The following ACIN1 variants were observed in gnomAD, a reference collection of about 807,000 sequenced individuals.
ACIN1 encodes the protein apoptotic chromatin condensation inducer 1, also known as apoptotic chromatin condensation inducer in the nucleus.
Under a neutral mutation model 146.6 loss-of-function variants are expected in ACIN1, and 16 were observed. The observed-to-expected ratio is 0.11, with a 90% CI of 0.07 to 0.17. ACIN1 has a LOEUF of 0.17. ACIN1 is among the 10% of genes least tolerant of loss of function. The pLI is 1.00. For missense variants in ACIN1, 1,357 were observed against 1,609.3 expected, an observed-to-expected ratio of 0.84 and a Z score of 2.68; for synonymous variants, 569 against 582.7, an observed-to-expected ratio of 0.98 and a Z score of 0.34.
rs1188946172 is a variant in ACIN1 at position 23,067,246 on chromosome 14, AAAG to A, written c.2266-1241_2266-1239del. ...AAAAAAATAAAATAAAATATTAAAA[AAAG>A]AAGAAGAAAATAAAGAAGAAAATAA... On this transcript the variant is annotated intron_variant, in intron 9 of 18. Coordinates refer to ENST00000605057, the MANE Select transcript of ACIN1 (RefSeq NM_001386863.1). The surrounding 1 kb of genome is among the most constrained non-coding windows in gnomAD (Gnocchi z 4.6). The A allele has an allele frequency of 1.2e-5, 11 of 911,052 alleles. No individual in the cohort carries two copies. The highest frequency in any genetic ancestry group is 5.1e-5 in the South Asian group (1 of 19,694). The allele number at this position is 911,052 out of a possible 1,614,324, so 56.4% of individuals were successfully genotyped here. A position where few individuals can be genotyped will look rare whatever the true frequency, so the allele number is the denominator to read the frequency against.
Position 23,089,964 on chromosome 14 carries a change from G to T in ACIN1, c.436+18C>A. On this transcript the variant is annotated intron_variant, in intron 4 of 18. Coordinates refer to ENST00000605057, the MANE Select transcript of ACIN1 (RefSeq NM_001386863.1). ...CGCAGGATTGACAAAACAGCGCAGT[G>T]GGGAGGGAGATACGTACTGGGCGAA... 7 of 1,591,408 alleles carry T rather than the reference G, an allele frequency of 4.4e-6. No individual in the cohort carries two copies. Among genetic ancestry groups the T allele is most frequent in the Non-Finnish European group, 5.1e-6 (6 of 1,165,202 alleles).
intron 3 of ACIN1, 87 bp downstream of exon 3, chr14:23,090,435 G>C (rs1231745071): frequency 1.1e-5 from 13 of 1,197,076 alleles, no homozygotes; most frequent in Middle Eastern, 1.9e-4. Context: ...ACTTATTTCT[G>C]AAATTGTCTA....
chr14:23,090,054 C>G lies in ACIN1; in HGVS notation c.364G>C (p.Ala122Pro). 2 of 1,613,832 alleles carry G rather than the reference C, an allele frequency of 1.2e-6. No individual in the cohort carries two copies. Among genetic ancestry groups the G allele is most frequent in the Non-Finnish European group, 1.7e-6 (2 of 1,179,928 alleles). The change falls in exon 4 of 19, where the codon GCT becomes CCT. Residue 122 changes from alanine (A) to proline (P), a missense_variant. Coordinates refer to ENST00000605057, the MANE Select transcript of ACIN1 (RefSeq NM_001386863.1). ...TGAAAGTCAGGAGGCAGCAGGGAAGCCACTCCCTCAGGATGGATCATCTCG... is the reference window on the plus strand; with the variant it reads ...TGAAAGTCAGGAGGCAGCAGGGAAGGCACTCCCTCAGGATGGATCATCTCG... Reference protein sequence around the residue: ...EDEMIHPEGVASLLPPDFQSS... With the variant: ...EDEMIHPEGVPSLLPPDFQSS...
chr14:23,074,325 G>A (rs191814796), intron 8 of ACIN1, among the ~76,000 whole-genome samples: 19 of 151,928 alleles, frequency 1.3e-4, no homozygotes, highest in African/African-American at 4.3e-4. Flanking sequence ...CAACACTTTG[G>A]GAGGCTGAGA....
In ACIN1 at chr14:23,067,285, T is replaced by C. The variant is rs894840856; in HGVS notation, c.2266-1277A>G. ...TAAAGAAGAAAATAAACTAGGAATA[T>C]GACAAATGTTCCAGGTACCATCTCA... On this transcript the variant is annotated intron_variant, in intron 9 of 18. Transcript: ENST00000605057. This position sits in a 1 kb window ranked among gnomAD's most constrained non-coding sequence, Gnocchi z 4.6. 2.0e-6 allele frequency: 2 copies of C among 984,488 alleles called. No individual in the cohort carries two copies. Among genetic ancestry groups the C allele is most frequent in the Non-Finnish European group, 2.4e-6 (2 of 829,090 alleles). The allele number at this position is 984,488 out of a possible 1,614,324, so 61.0% of individuals were successfully genotyped here. A position where few individuals can be genotyped will look rare whatever the true frequency, so the allele number is the denominator to read the frequency against.
Position 23,079,885 on chromosome 14 carries a change from T to C in ACIN1, c.1450A>G (p.Ile484Val), listed in dbSNP as rs141420404. 5.0e-6 allele frequency: 8 copies of C among 1,614,084 alleles called. No homozygotes were observed. In the African/African-American group the frequency reaches 8.0e-5, roughly 16 times the overall value. Residue 484 changes from isoleucine to valine, a missense_variant, in exon 6 of 19, where the codon ATC becomes GTC. Ile to Val is a conservative substitution (Grantham distance 29). This residue lies in a region of ACIN1 where 771 missense variants were observed against 746.6 expected (regional missense o/e 1.03). Coordinates refer to ENST00000605057, the MANE Select transcript of ACIN1 (RefSeq NM_001386863.1). ...KIEELALAKG[I>V]TEECLKQPSL... The stretch of plus-strand genomic sequence containing the variant: ...GGCTGTTTCAGACATTCTTCAGTGA[T>C]TCCTTTGGCCAGTGCTAATTCCTCA...
intron 8 of ACIN1, 35 bp from the exon 9 acceptor site, chr14:23,069,652 G>GGGGGGCCGCC: frequency 1.7e-6 from 1 of 577,970 alleles, no homozygotes; most frequent in Non-Finnish European, 3.3e-6. Context: ...GGGGGGGCGG[G>GGGGGGCCGCC]CAGAAAAGAA....
chr14:23,080,220 G>A lies in ACIN1; in HGVS notation c.1115C>T (p.Pro372Leu). The change falls in exon 6 of 19, where the codon CCA becomes CTA. Residue 372 changes from proline (P) to leucine (L), a missense_variant. Around this residue, in one of 4 missense-constraint regions of ACIN1, gnomAD observed 771 missense variants for 746.6 expected, o/e 1.03. Coordinates refer to ENST00000605057, the MANE Select transcript of ACIN1 (RefSeq NM_001386863.1). ...TATTTCTTCTTCGCTATGGAGCTGT[G>A]GATGAGGTGGTGGAGAAGATGCTTC... ...TKEASSPPPHPQLHSEEEIEP... is the reference protein window; with the variant it reads ...TKEASSPPPHLQLHSEEEIEP... The A allele has an allele frequency of 6.2e-7, 1 of 1,614,210 alleles. No homozygotes were observed. The highest frequency in any genetic ancestry group is 8.5e-7 in the Non-Finnish European group (1 of 1,180,036).
chr14:23,070,700 AG>A (rs1348257275), intron 8 of ACIN1, among the ~76,000 whole-genome samples: 1 of 152,200 alleles, frequency 6.6e-6, no homozygotes, highest in Non-Finnish European at 1.5e-5. Context: ...GGCTCAGGAG[AG>A]GGGAAACCAA....
intron 2 of ACIN1, 121 bp from the exon 3 acceptor site, chr14:23,090,754 G>T: frequency 1.5e-6 from 1 of 670,802 alleles, no homozygotes. Context: ...TAACTAAAAT[G>T]TTGGAAGGCT....
chr14:23,068,305 A>G lies in ACIN1; in HGVS notation c.2265+1171T>C. Reference sequence around the variant, plus strand: ...GTCTGTAGCAAACAAGGCAACCCACAGTCCTCAAAAGGGCAAGGGCATGTG... The same window carrying G: ...GTCTGTAGCAAACAAGGCAACCCACGGTCCTCAAAAGGGCAAGGGCATGTG... On this transcript the variant is annotated intron_variant, in intron 9 of 18. Coordinates refer to ENST00000605057, the MANE Select transcript of ACIN1 (RefSeq NM_001386863.1). This position sits in a 1 kb window ranked among gnomAD's most constrained non-coding sequence, Gnocchi z 4.3. 1 of 985,956 alleles carries G rather than the reference A, an allele frequency of 1.0e-6. No individual in the cohort carries two copies. The highest frequency in any genetic ancestry group is 5.2e-4 in the Middle Eastern group (1 of 1,914). The allele number at this position is 985,956 out of a possible 1,614,324, so 61.1% of individuals were successfully genotyped here. A position where few individuals can be genotyped will look rare whatever the true frequency, so the allele number is the denominator to read the frequency against.
chr14:23,067,511 G>GGGGGGGGGGA lies in ACIN1; in HGVS notation c.2266-1504_2266-1503insTCCCCCCCCC. The GGGGGGGGGGA allele has an allele frequency of 9.0e-6, 2 of 221,698 alleles. No individual in the cohort carries two copies. Among genetic ancestry groups the GGGGGGGGGGA allele is most frequent in the Non-Finnish European group, 1.5e-5 (2 of 137,232 alleles). 13.7% of individuals were successfully genotyped at this position (221,698 alleles called of 1,614,324 possible). ...CCAGGGGCGCAGGGGGGGCGGGAGGGAAACGTGTGGGGGGACGCTGCCCAG... is the reference window on the plus strand; with the variant it reads ...CCAGGGGCGCAGGGGGGGCGGGAGGGGGGGGGGGGAAAACGTGTGGGGGGACGCTGCCCAG... On this transcript the variant is annotated intron_variant, in intron 9 of 18. Transcript: ENST00000605057. This position sits in a 1 kb window ranked among gnomAD's most constrained non-coding sequence, Gnocchi z 4.6.
At chr14:23,070,144 G>A (rs1036859893) in intron 8 of ACIN1, among the ~76,000 whole-genome samples, 1 of 129,016 alleles carries the variant, frequency 7.8e-6, no homozygotes, top group Non-Finnish European at 1.6e-5. Flanking sequence ...TGCTTAATAA[G>A]TAAAGGCCTG....
chr14:23,089,746 C>T (rs2048179486), intron 4 of ACIN1, among the ~76,000 whole-genome samples: 1 of 152,128 alleles, frequency 6.6e-6, no homozygotes, highest in South Asian at 2.1e-4. Context: ...TGAAGAGGTA[C>T]AGATGAGAAG....
At chr14:23,075,481 A>G (rs2047775488) in intron 8 of ACIN1, among the ~76,000 whole-genome samples, 1 of 152,186 alleles carries the variant, frequency 6.6e-6, no homozygotes, top group South Asian at 2.1e-4. Context: ...CCAAGCAATG[A>G]AAAAGACACC....
chr14:23,069,643 G>C (rs778951362), intron 8 of ACIN1, 26 bp from the exon 9 acceptor site: 2 of 1,249,240 alleles, frequency 1.6e-6, no homozygotes, highest in East Asian at 5.1e-5. Context: ...AGTGGTGGTG[G>C]GGGGGCGGGC....
chr14:23,092,576 C>A (rs1411729561), intron 2 of ACIN1, among the ~76,000 whole-genome samples: 1 of 152,120 alleles, frequency 6.6e-6, no homozygotes, highest in Non-Finnish European at 1.5e-5. Flanking sequence ...TCCACAGTAT[C>A]CTGAGACTTC....
At chr14:23,075,167 G>A (rs988691342) in intron 8 of ACIN1, among the ~76,000 whole-genome samples, 4 of 152,098 alleles carry the variant, frequency 2.6e-5, no homozygotes, top group Non-Finnish European at 5.9e-5. Flanking sequence ...ACAGGCAGAA[G>A]GACAAACATG....
At chr14:23,087,912 C>T (rs2048128846) in intron 4 of ACIN1, among the ~76,000 whole-genome samples, 1 of 152,178 alleles carries the variant, frequency 6.6e-6, no homozygotes, top group Non-Finnish European at 1.5e-5. Context: ...CTTCTTGTAT[C>T]CTCTCTGCCA....
Sources: allele counts gnomAD v4.1 joint callset (sites outside exome capture counted in the v4.1 genomes callset), GRCh38; gene constraint gnomAD v4.1.1; regional missense constraint gnomAD v4.1.1; non-coding constraint Gnocchi (gnomAD v3.1); transcripts MANE v1.5; gene names NCBI Gene and HGNC (gene_info 2026-07-23, HGNC 2026-07-21).